Variants in XXYLT1 observed in about 807,000 individuals in gnomAD.
The protein encoded by XXYLT1 is xyloside xylosyltransferase 1.
In XXYLT1, 20 loss-of-function variants were observed where a neutral mutation model predicts 28.9. The observed-to-expected ratio is 0.69, with a 90% CI of 0.49 to 1.00. The LOEUF is 1.00. XXYLT1 is among the 50% of genes least tolerant of loss of function. The probability of loss-of-function intolerance (pLI) is 0.00; values close to 1 mark genes in which losing one functional copy is unlikely to be tolerated. For missense variants in XXYLT1, 542 were observed against 560.1 expected, an observed-to-expected ratio of 0.97 and a Z score of 0.33; for synonymous variants, 257 against 253.8, an observed-to-expected ratio of 1.01 and a Z score of -0.12.
chr3:195,244,688 G>C (rs1475946414), intron 1 of XXYLT1, among the ~76,000 whole-genome samples: 4 of 149,508 alleles, frequency 2.7e-5, no homozygotes, highest in Non-Finnish European at 4.4e-5. Flanking sequence ...CGTGAACCCA[G>C]GGGGCAGAGC....
chr3:195,252,753 G>GA (rs1468449939), intron 1 of XXYLT1, among the ~76,000 whole-genome samples: 4 of 150,758 alleles, frequency 2.7e-5, no homozygotes, highest in Non-Finnish European at 5.9e-5. Flanking sequence ...GAGAGAGAGA[G>GA]AGATTCACTG....
intron 1 of XXYLT1, among the ~76,000 whole-genome samples, chr3:195,254,597 C>G (rs1725405452): frequency 6.6e-6 from 1 of 152,222 alleles, no homozygotes; most frequent in Non-Finnish European, 1.5e-5. Flanking sequence ...CTCGCAAGGC[C>G]CAGATTCAGG....
At chr3:195,265,767 C>T (rs956358412) in intron 1 of XXYLT1, among the ~76,000 whole-genome samples, 11 of 152,290 alleles carry the variant, frequency 7.2e-5, no homozygotes, top group Admixed American at 2.6e-4. Flanking sequence ...GCCCCAGCCC[C>T]GGCAGCCATC....
At chr3:195,095,368 T>C (rs1394579769) in intron 3 of XXYLT1, 1 of 153,900 alleles carries the variant, frequency 6.5e-6, no homozygotes, top group African/African-American at 2.4e-5. Context: ...AACCCCCCGG[T>C]GCACGGCAGG....
intron 2 of XXYLT1, among the ~76,000 whole-genome samples, chr3:195,157,641 C>G (rs1720672276): frequency 6.6e-6 from 1 of 152,190 alleles, no homozygotes; most frequent in Non-Finnish European, 1.5e-5. Flanking sequence ...TGCCAGGCAC[C>G]AAGCTGACCA....
chr3:195,188,968 A>G (rs1056601406), intron 2 of XXYLT1, among the ~76,000 whole-genome samples: 4 of 152,212 alleles, frequency 2.6e-5, no homozygotes, highest in African/African-American at 9.6e-5. Context: ...GAGTCACTAG[A>G]TTTCTTTGAG....
intron 2 of XXYLT1, chr3:195,175,785 C>T (rs1423436933): frequency 6.0e-6 from 9 of 1,493,596 alleles, no homozygotes; most frequent in East Asian, 2.6e-5. Flanking sequence ...AAGCCACATG[C>T]TCCAGATGGC....
chr3:195,110,861 G>GTGTGTGTGGTGTATA (rs1210419361), intron 3 of XXYLT1, among the ~76,000 whole-genome samples: 1 of 109,914 alleles, frequency 9.1e-6, no homozygotes, highest in South Asian at 2.6e-4. Context: ...TTGTATAAGT[G>GTGTGTGTGGTGTATA]TGTGTGTGGT....
intron 1 of XXYLT1, among the ~76,000 whole-genome samples, chr3:195,241,179 A>T (rs1181406881): frequency 1.3e-5 from 2 of 152,212 alleles, no homozygotes; most frequent in Non-Finnish European, 2.9e-5. Context: ...GGAGCTGTTC[A>T]CACCTTCTTG....
At chr3:195,131,235 ACCACCCTCTTTCCGTCTCCCCAT>A (rs1718895292) in intron 3 of XXYLT1, among the ~76,000 whole-genome samples, 1 of 152,170 alleles carries the variant, frequency 6.6e-6, no homozygotes, top group South Asian at 2.1e-4. Context: ...CAGAAGCCGA[ACCACCCTCTTTCCGTCTCCCCAT>A]TCATTTCCAA....
At chr3:195,120,100 A>AT (rs1269478084) in intron 3 of XXYLT1, among the ~76,000 whole-genome samples, 2 of 152,078 alleles carry the variant, frequency 1.3e-5, no homozygotes, top group East Asian at 3.9e-4. Flanking sequence ...AAAAGCTTAG[A>AT]TTTCTCCTCT....
At chr3:195,258,071 T>C (rs1293114094) in intron 1 of XXYLT1, among the ~76,000 whole-genome samples, 1 of 152,120 alleles carries the variant, frequency 6.6e-6, no homozygotes, top group East Asian at 1.9e-4. Flanking sequence ...GCTGAGCCTA[T>C]GAAGCCCCTG....
At chr3:195,099,376 A>G (rs1343502908) in intron 3 of XXYLT1, among the ~76,000 whole-genome samples, 4 of 152,146 alleles carry the variant, frequency 2.6e-5, no homozygotes, top group Admixed American at 6.5e-5. Flanking sequence ...CACACACATT[A>G]CAGTGCCTCC....
At chr3:195,238,825 A>C (rs1439461023) in intron 1 of XXYLT1, among the ~76,000 whole-genome samples, 1 of 152,248 alleles carries the variant, frequency 6.6e-6, no homozygotes, top group Non-Finnish European at 1.5e-5. Context: ...TTACACAGGA[A>C]GCTGGAAGCT....
At chr3:195,261,191 G>GGGAGGC (rs1220319719) in intron 1 of XXYLT1, among the ~76,000 whole-genome samples, 1 of 152,252 alleles carries the variant, frequency 6.6e-6, no homozygotes, top group East Asian at 1.9e-4. Flanking sequence ...CCAGCATTTT[G>GGGAGGC]GGAGGCGGAG....
chr3:195,123,558 T>G (rs981783045), intron 3 of XXYLT1, among the ~76,000 whole-genome samples: 2 of 152,192 alleles, frequency 1.3e-5, no homozygotes, highest in African/African-American at 4.8e-5. Flanking sequence ...GGCCTGCGTC[T>G]GAAGGAGCTC....
chr3:195,203,376 T>C (rs867113223), intron 2 of XXYLT1, among the ~76,000 whole-genome samples: 29 of 152,272 alleles, frequency 1.9e-4, no homozygotes, highest in African/African-American at 5.1e-4. Context: ...TCTATAATGA[T>C]ATATATTTCA....
At chr3:195,148,183 T>C (rs1438901447) in intron 3 of XXYLT1, 1 of 152,204 alleles carries the variant, frequency 6.6e-6, no homozygotes, top group Non-Finnish European at 1.5e-5. Context: ...AAATACCTTT[T>C]CCACTGATGT....
intron 3 of XXYLT1, among the ~76,000 whole-genome samples, chr3:195,155,441 C>T (rs1469982229): frequency 3.9e-5 from 6 of 152,162 alleles, no homozygotes; most frequent in Admixed American, 2.6e-4. Context: ...TCGCTCTACC[C>T]GCTGGAGAAA....
Sources: allele counts gnomAD v4.1 joint callset (sites outside exome capture counted in the v4.1 genomes callset), GRCh38; gene constraint gnomAD v4.1.1; transcripts MANE v1.5; gene names NCBI Gene and HGNC (gene_info 2026-07-23, HGNC 2026-07-21).